The following SPATS2 variants were observed in gnomAD, a reference collection of about 807,000 sequenced individuals.
SPATS2 encodes spermatogenesis-associated serine-rich protein 2.
SPATS2 carries 38 observed loss-of-function variants against 63.7 expected under a neutral mutation model. The ratio of observed to expected loss-of-function variants is 0.60; its 90% CI spans 0.46 to 0.78. The LOEUF is 0.78. Among genes scored for constraint, SPATS2 ranks in the 30% least tolerant of loss-of-function variants. SPATS2 has a pLI of 0.00. For missense variants in SPATS2, 588 were observed against 666.2 expected, an observed-to-expected ratio of 0.88 and a Z score of 1.29; for synonymous variants, 207 against 232.9, an observed-to-expected ratio of 0.89 and a Z score of 1.01.
At chr12:49,516,178 T>A (rs1333149015) in intron 10 of SPATS2, among the ~76,000 whole-genome samples, 644 of 48,948 alleles carry the variant, frequency 0.013, 16 homozygotes, top group Non-Finnish European at 0.024. Flanking sequence ...TATATATATA[T>A]ATATATATAT....
rs368354886 is a variant in SPATS2 at position 49,469,832 on chromosome 12, A to G, written c.25+8795A>G. Among the ~76,000 whole-genome samples, 74 of 151,804 alleles carry G rather than the reference A, an allele frequency of 4.9e-4. No individual in the cohort carries two copies. In the South Asian group the frequency reaches 0.012, roughly 25 times the overall value. On this transcript the variant is annotated intron_variant, in intron 3 of 13. Coordinates refer to ENST00000552918, the MANE Select transcript of SPATS2 (RefSeq NM_023071.4). ...GAACCCAGGAGGCAGAGGTTATAGTAAGCCAAGGTCACGCCACTGCACCCC... is the reference window on the plus strand; with the variant it reads ...GAACCCAGGAGGCAGAGGTTATAGTGAGCCAAGGTCACGCCACTGCACCCC...
intron 2 of SPATS2, among the ~76,000 whole-genome samples, chr12:49,436,536 C>T (rs1305408929): frequency 2.5e-5 from 3 of 119,828 alleles, no homozygotes; most frequent in East Asian, 2.3e-4. Flanking sequence ...CTGACCCCCC[C>T]GCCTCCTGGC....
At chr12:49,369,395 T>G (rs1409318640) in intron 1 of SPATS2, among the ~76,000 whole-genome samples, 2 of 152,212 alleles carry the variant, frequency 1.3e-5, no homozygotes, top group African/African-American at 4.8e-5. Flanking sequence ...GTATGTATTA[T>G]CTCATTCAAT....
intron 6 of SPATS2, among the ~76,000 whole-genome samples, chr12:49,493,043 A>G (rs1049074630): frequency 6.6e-6 from 1 of 151,050 alleles, no homozygotes; most frequent in Non-Finnish European, 1.5e-5. Flanking sequence ...GGTTGCAGTG[A>G]GCCGAGATTG....
intron 9 of SPATS2, among the ~76,000 whole-genome samples, chr12:49,506,875 T>C (rs577768785): frequency 3.9e-5 from 6 of 152,150 alleles, no homozygotes; most frequent in African/African-American, 1.2e-4. Flanking sequence ...AGTGGGTTTA[T>C]TGGGACATAA....
intron 2 of SPATS2, among the ~76,000 whole-genome samples, chr12:49,388,135 A>G (rs142710709): frequency 4.6e-5 from 7 of 152,232 alleles, no homozygotes; most frequent in Admixed American, 2.0e-4. Context: ...ATGAATACCA[A>G]TAAGATTTTT....
chr12:49,431,924 C>T (rs1325879190), intron 2 of SPATS2, among the ~76,000 whole-genome samples: 2 of 151,604 alleles, frequency 1.3e-5, no homozygotes, highest in Non-Finnish European at 2.9e-5. Context: ...CCCAGCTACT[C>T]GGGAGGATCG....
intron 4 of SPATS2, among the ~76,000 whole-genome samples, chr12:49,488,475 A>G (rs183672901): frequency 4.1e-4 from 63 of 152,196 alleles, no homozygotes; most frequent in Middle Eastern, 3.4e-3. Flanking sequence ...CCTGGCCAAC[A>G]TAGCAAAACC....
chr12:49,451,020 C>G (rs1027464973), intron 2 of SPATS2, among the ~76,000 whole-genome samples: 6 of 151,858 alleles, frequency 4.0e-5, no homozygotes, highest in Admixed American at 1.3e-4. Flanking sequence ...AGGCGCCCAC[C>G]ACTGTGCCCA....
intron 2 of SPATS2, among the ~76,000 whole-genome samples, chr12:49,417,231 A>G (rs1944904215): frequency 6.6e-6 from 1 of 152,256 alleles, no homozygotes; most frequent in South Asian, 2.1e-4. Flanking sequence ...TCTCTGTATT[A>G]AAATTTTTAC....
chr12:49,380,233 T>G (rs937939303), intron 2 of SPATS2, among the ~76,000 whole-genome samples: 2 of 150,670 alleles, frequency 1.3e-5, no homozygotes, highest in African/African-American at 4.9e-5. Context: ...GTGGTGTGAT[T>G]ACAGCTCTCT....
intron 2 of SPATS2, among the ~76,000 whole-genome samples, chr12:49,436,503 G>A (rs1266496984): frequency 2.9e-5 from 4 of 138,644 alleles, no homozygotes; most frequent in South Asian, 2.3e-4. Context: ...CCTCCCGGAC[G>A]GGGCGGCTGG....
rs1395478414 is a variant in SPATS2, at chr12:49,499,926, A to T, written c.704-144A>T. ...TTTTTTTCCAAAAATCTATAAAAAC[A>T]TGTTTTTCTCATTGGGGAAGGTGGT... On this transcript the variant is annotated intron_variant, in intron 8 of 13. Coordinates refer to ENST00000552918, the MANE Select transcript of SPATS2 (RefSeq NM_023071.4). 7 of 550,766 alleles carry T rather than the reference A, an allele frequency of 1.3e-5. No homozygotes were observed. In the East Asian group the frequency reaches 1.8e-4, roughly 14 times the overall value. 34.1% of individuals were successfully genotyped at this position (550,766 alleles called of 1,614,324 possible).
intron 2 of SPATS2, among the ~76,000 whole-genome samples, chr12:49,459,748 C>A (rs1442967883): frequency 7.2e-5 from 9 of 125,772 alleles, no homozygotes; most frequent in Admixed American, 7.5e-5. Context: ...CGTCCCCCCC[C>A]CCCCCCATAT....
intron 8 of SPATS2, among the ~76,000 whole-genome samples, chr12:49,499,582 C>CT (rs1250083131): frequency 6.6e-6 from 1 of 152,042 alleles, no homozygotes; most frequent in Non-Finnish European, 1.5e-5. Context: ...GTGTGTAGCT[C>CT]TTTCCTCACC....
At chr12:49,460,148 G>A (rs973648766) in intron 2 of SPATS2, among the ~76,000 whole-genome samples, 2 of 150,540 alleles carry the variant, frequency 1.3e-5, no homozygotes, top group African/African-American at 4.9e-5. Context: ...AATTCTAGAG[G>A]AAGAGAATAG....
Position 49,452,698 on chromosome 12 carries a change from T to TTGTC in SPATS2, c.-243-8070_-243-8067dup, listed in dbSNP as rs528810460. Among the ~76,000 whole-genome samples, 79 of 152,268 alleles carry TTGTC rather than the reference T, an allele frequency of 5.2e-4. 1 individual carries two copies. Among genetic ancestry groups the TTGTC allele is most frequent in the African/African-American group, 1.8e-3 (74 of 41,572 alleles). On this transcript the variant is annotated intron_variant, in intron 2 of 13. Coordinates refer to ENST00000552918, the MANE Select transcript of SPATS2 (RefSeq NM_023071.4). ...ATTCATCTTCAGAATTTTGATTTGG[T>TTGTC]TGTCTTTTTTTATTTTCCAAATTTA...
intron 2 of SPATS2, among the ~76,000 whole-genome samples, chr12:49,425,417 T>G (rs775272441): frequency 2.6e-5 from 4 of 152,196 alleles, no homozygotes; most frequent in Non-Finnish European, 5.9e-5. Context: ...CTATCACAGC[T>G]CAGGTGATCC....
chr12:49,443,625 A>G (rs1409559847), intron 2 of SPATS2, among the ~76,000 whole-genome samples: 1 of 151,842 alleles, frequency 6.6e-6, no homozygotes, highest in Non-Finnish European at 1.5e-5. Flanking sequence ...AGTTTTAGCC[A>G]TTTGGGTCTG....
Sources: allele counts gnomAD v4.1 joint callset (sites outside exome capture counted in the v4.1 genomes callset), GRCh38; gene constraint gnomAD v4.1.1; transcripts MANE v1.5; gene names NCBI Gene and HGNC (gene_info 2026-07-23, HGNC 2026-07-21).